The following PCDH15 variants were observed in gnomAD, a reference collection of about 807,000 sequenced individuals.
PCDH15 encodes the protein protocadherin related 15, also known as protocadherin-15.
In PCDH15, 129 loss-of-function variants were observed where a neutral mutation model predicts 178.5. The ratio of observed to expected loss-of-function variants is 0.72; its 90% CI spans 0.63 to 0.84. The LOEUF is 0.84. Ranked by LOEUF, PCDH15 falls within the 40% of genes least tolerant of loss-of-function variation. The probability of loss-of-function intolerance (pLI) is 0.00; values close to 1 mark genes in which losing one functional copy is unlikely to be tolerated. For missense variants in PCDH15, 2,230 were observed against 2,099.9 expected (o/e 1.06, Z -1.21); for synonymous variants, 800 against 732.0 (o/e 1.09, Z -1.50).
chr10:55,288,016 A>T (rs1476580800), intron 1 of PCDH15, among the ~76,000 whole-genome samples: 1 of 151,266 alleles, frequency 6.6e-6, no homozygotes, highest in African/African-American at 2.4e-5. Flanking sequence ...AAATTAATTT[A>T]TATATTTGTA....
intron 1 of PCDH15, among the ~76,000 whole-genome samples, chr10:55,262,163 TG>T (rs1424033535): frequency 9.1e-4 from 44 of 48,206 alleles, no homozygotes; most frequent in African/African-American, 3.0e-3. Flanking sequence ...GGAGAGGAGA[TG>T]GGGGGAGGGA....
chr10:54,041,302 A>T (rs935378631), intron 18 of PCDH15, among the ~76,000 whole-genome samples: 5 of 152,094 alleles, frequency 3.3e-5, no homozygotes, highest in Non-Finnish European at 7.4e-5. Flanking sequence ...TTACAAAATA[A>T]TTATGCTATA....
chr10:53,810,336 G>A (rs2075819717), intron 37 of PCDH15, among the ~76,000 whole-genome samples: 1 of 152,018 alleles, frequency 6.6e-6, no homozygotes, highest in African/African-American at 2.4e-5. Flanking sequence ...CTTTCCAAAT[G>A]TTTAACACTT....
intron 2 of PCDH15, among the ~76,000 whole-genome samples, chr10:54,995,634 C>CT (rs374129959): frequency 6.6e-6 from 1 of 151,034 alleles, no homozygotes; most frequent in Non-Finnish European, 1.5e-5. Flanking sequence ...AACCCTCCCC[C>CT]CCACGCCCCA....
At chr10:54,996,214 G>C (rs1001622552) in intron 2 of PCDH15, among the ~76,000 whole-genome samples, 1 of 151,984 alleles carries the variant, frequency 6.6e-6, no homozygotes, top group African/African-American at 2.4e-5. Context: ...TTCTCTCTTC[G>C]GCCCTGCCAC....
intron 2 of PCDH15, among the ~76,000 whole-genome samples, chr10:54,636,544 C>A (rs1171398025): frequency 1.3e-5 from 2 of 151,900 alleles, no homozygotes; most frequent in Non-Finnish European, 1.5e-5. Context: ...AACCATGAAA[C>A]AATTTCATAT....
chr10:54,883,641 G>C (rs1443383203), intron 3 of PCDH15, among the ~76,000 whole-genome samples: 1 of 151,850 alleles, frequency 6.6e-6, no homozygotes, highest in Non-Finnish European at 1.5e-5. Context: ...ATACCATATA[G>C]ATTCCAGCAG....
At chr10:53,868,315 T>C (rs1227978397) in intron 26 of PCDH15, among the ~76,000 whole-genome samples, 1 of 151,994 alleles carries the variant, frequency 6.6e-6, no homozygotes, top group African/African-American at 2.4e-5. Flanking sequence ...TTACTAAGAA[T>C]TGCTAAGAAT....
At chr10:54,224,162 C>T (rs890430412) in intron 9 of PCDH15, among the ~76,000 whole-genome samples, 6 of 151,968 alleles carry the variant, frequency 3.9e-5, no homozygotes, top group African/African-American at 1.5e-4. Context: ...GTGGTAATTC[C>T]TCAGATTTTG....
chr10:55,426,533 G>A (rs1175748329), intron 2 of PCDH15, among the ~76,000 whole-genome samples: 1 of 152,142 alleles, frequency 6.6e-6, no homozygotes, highest in Non-Finnish European at 1.5e-5. Flanking sequence ...AGCCCCAGAG[G>A]GAGTGTTACA....
intron 2 of PCDH15, among the ~76,000 whole-genome samples, chr10:55,393,018 T>C (rs1486791011): frequency 1.3e-5 from 2 of 150,098 alleles, no homozygotes; most frequent in Non-Finnish European, 3.0e-5. Flanking sequence ...TGTGTGTGTA[T>C]TTTTGTTTTT....
At chr10:54,607,192 A>G (rs11004410) in intron 2 of PCDH15, among the ~76,000 whole-genome samples, 22,045 of 152,108 alleles carry the variant, frequency 0.14, 1,842 homozygotes, top group Non-Finnish European at 0.18. Flanking sequence ...TTTACATTTA[A>G]TAACAATACT....
chr10:55,373,058 C>G (rs137976432), intron 2 of PCDH15, among the ~76,000 whole-genome samples: 2 of 152,152 alleles, frequency 1.3e-5, no homozygotes, highest in African/African-American at 4.8e-5. Flanking sequence ...TGAAAGAATT[C>G]TTAGTCCAGC....
chr10:55,516,628 C>G (rs1176055090), intron 2 of PCDH15, among the ~76,000 whole-genome samples: 2 of 152,002 alleles, frequency 1.3e-5, no homozygotes, highest in East Asian at 1.9e-4. Context: ...ACAGTTGTTA[C>G]TTTTTACCAC....
intron 2 of PCDH15, among the ~76,000 whole-genome samples, chr10:55,005,973 A>G (rs1386492762): frequency 1.3e-5 from 2 of 151,800 alleles, no homozygotes; most frequent in East Asian, 3.9e-4. Flanking sequence ...ATTGATAAAT[A>G]TTTATGTATA....
intron 2 of PCDH15, among the ~76,000 whole-genome samples, chr10:54,993,106 G>T (rs2131919519): frequency 6.6e-6 from 1 of 152,220 alleles, no homozygotes; most frequent in South Asian, 2.1e-4. Context: ...TGAATATAAA[G>T]AAAACCAGAT....
chr10:54,835,995 T>C (rs1254783701), intron 3 of PCDH15, among the ~76,000 whole-genome samples: 1 of 152,148 alleles, frequency 6.6e-6, no homozygotes, highest in Admixed American at 6.6e-5. Flanking sequence ...TGGAAAACTA[T>C]TGTCATACGT....
rs201721533 is a variant in PCDH15, at chr10:54,267,542, A to ATC, written c.877-30612_877-30611insGA. Among the ~76,000 whole-genome samples, 1,365 of 152,018 alleles carry ATC rather than the reference A, an allele frequency of 9.0e-3. 13 individuals are homozygous for ATC. The highest frequency in any genetic ancestry group is 0.02 in the Middle Eastern group (6 of 294). On this transcript the variant is annotated intron_variant, in intron 8 of 37. Transcript: ENST00000644397. ...AGAAAACCCTAATGATTCTGACCAA[A>ATC]GACGCCTAAAGTTGATTAAAAATTT... is the stretch of plus-strand genomic sequence containing the variant.
intron 1 of PCDH15, among the ~76,000 whole-genome samples, chr10:55,275,458 A>G (rs1490067570): frequency 1.3e-5 from 2 of 151,856 alleles, no homozygotes; most frequent in African/African-American, 2.4e-5. Flanking sequence ...TCGATGTGCT[A>G]TGGGTTTTGT....
Sources: allele counts gnomAD v4.1 joint callset (sites outside exome capture counted in the v4.1 genomes callset), GRCh38; gene constraint gnomAD v4.1.1; transcripts MANE v1.5; gene names NCBI Gene and HGNC (gene_info 2026-07-23, HGNC 2026-07-21).